The following GNB4 variants were observed in gnomAD, a reference collection of about 807,000 sequenced individuals.
GNB4 encodes G protein subunit beta 4.
A neutral mutation model predicts 45.2 loss-of-function variants in GNB4; 28 were observed. The ratio of observed to expected loss-of-function variants is 0.62; its 90% CI spans 0.46 to 0.85. GNB4 has a LOEUF of 0.85. Among genes scored for constraint, GNB4 ranks in the 40% least tolerant of loss-of-function variants. GNB4 has a pLI of 0.00. For synonymous variants in GNB4, 132 were observed against 143.7 expected, an observed-to-expected ratio of 0.92 and a Z score of 0.58; for missense variants, 321 against 425.4, an observed-to-expected ratio of 0.75 and a Z score of 2.16.
chr3:179,465,218 G>A, the GNB4 span: 1 of 1,387,194 alleles, frequency 7.2e-7, no homozygotes, highest in Non-Finnish European at 1.0e-6. Flanking sequence ...GTTGGTTGGA[G>A]ATGTGGATTT....
the GNB4 span, among the ~76,000 whole-genome samples, chr3:179,477,585 G>A: frequency 6.6e-6 from 1 of 152,066 alleles, no homozygotes; most frequent in East Asian, 1.9e-4. Flanking sequence ...CACTTAAGAA[G>A]ATTACACTGG....
At chr3:179,440,365 G>A (rs1213998426) in intron 1 of GNB4, among the ~76,000 whole-genome samples, 2 of 152,154 alleles carry the variant, frequency 1.3e-5, no homozygotes, top group African/African-American at 2.4e-5. Context: ...AGACACTTGA[G>A]ACATTTTTTA....
chr3:179,431,323 G>A (rs760695317), intron 1 of GNB4, among the ~76,000 whole-genome samples: 10 of 152,062 alleles, frequency 6.6e-5, no homozygotes, highest in Admixed American at 1.3e-4. Flanking sequence ...TTGAGAGGCC[G>A]AGGCGGGTGG....
intron 2 of GNB4, among the ~76,000 whole-genome samples, chr3:179,424,309 G>C (rs1165222139): frequency 6.6e-6 from 1 of 152,230 alleles, no homozygotes; most frequent in African/African-American, 2.4e-5. Flanking sequence ...ACAAAGTAGA[G>C]AGGGCAGAAA....
At chr3:179,495,917 G>A in the GNB4 span, among the ~76,000 whole-genome samples, 26 of 152,260 alleles carry the variant, frequency 1.7e-4, no homozygotes, top group African/African-American at 6.0e-4. Context: ...AAAGCTGAGG[G>A]AGCTCATTAC....
At chr3:179,503,644 G>C in the GNB4 span, among the ~76,000 whole-genome samples, 8 of 152,190 alleles carry the variant, frequency 5.3e-5, no homozygotes, top group East Asian at 1.5e-3. Context: ...TCTATTCCAA[G>C]ACCCTTATAA....
rs543478334 is a variant in GNB4, at chr3:179,396,205, T to C, written c.*5008A>G. 1 of 152,336 alleles carries C rather than the reference T, an allele frequency of 6.6e-6. No homozygotes were observed. The highest frequency in any genetic ancestry group is 1.9e-4 in the East Asian group (1 of 5,194). The allele number at this position is 152,336 out of a possible 1,614,324, so 9.4% of individuals were successfully genotyped here. A position where few individuals can be genotyped will look rare whatever the true frequency, so the allele number is the denominator to read the frequency against. On this transcript the variant is annotated 3_prime_UTR_variant, in exon 10 of 10. Transcript: ENST00000232564. ...AGATCTAAGAACAGTTAAATCATGA[T>C]ACAAGTCCATAGTTTATATGGTTTA...
At chr3:179,433,924 A>G (rs1016036168) in intron 1 of GNB4, among the ~76,000 whole-genome samples, 1 of 152,214 alleles carries the variant, frequency 6.6e-6, no homozygotes, top group African/African-American at 2.4e-5. Flanking sequence ...CTCAGGAATC[A>G]GGGAAATGCA....
chr3:179,405,811 GTTCT>G (rs773836920), intron 8 of GNB4: 11 of 155,674 alleles, frequency 7.1e-5, no homozygotes, highest in Admixed American at 1.3e-4. Flanking sequence ...CCTCGGGACA[GTTCT>G]TTTTCAGAAT....
At chr3:179,411,103 A>G (rs897101535) in intron 8 of GNB4, among the ~76,000 whole-genome samples, 6 of 152,178 alleles carry the variant, frequency 3.9e-5, no homozygotes, top group African/African-American at 1.4e-4. Context: ...AGTTAATGAA[A>G]TTAATAATCA....
At chr3:179,422,727 T>C (rs1192036241) in intron 2 of GNB4, among the ~76,000 whole-genome samples, 1 of 152,202 alleles carries the variant, frequency 6.6e-6, no homozygotes. Flanking sequence ...TTCTATTATA[T>C]CATGTATTTA....
the GNB4 span, chr3:179,464,811 G>A: frequency 3.7e-6 from 5 of 1,350,100 alleles, no homozygotes; most frequent in African/African-American, 5.7e-5. Context: ...GATGCTGATG[G>A]CTTTCATGTA....
At chr3:179,459,095 T>C in the GNB4 span, among the ~76,000 whole-genome samples, 1 of 152,214 alleles carries the variant, frequency 6.6e-6, no homozygotes. Context: ...GCTCAGAGAA[T>C]TGAGCATCTT....
the GNB4 span, among the ~76,000 whole-genome samples, chr3:179,494,907 C>CAAAAA: frequency 8.8e-5 from 3 of 33,980 alleles, no homozygotes; most frequent in African/African-American, 1.2e-4. Context: ...GACTCTGTCT[C>CAAAAA]AAAAAAAAAA....
the GNB4 span, among the ~76,000 whole-genome samples, chr3:179,490,048 T>C: frequency 6.6e-6 from 1 of 152,218 alleles, no homozygotes; most frequent in Non-Finnish European, 1.5e-5. Context: ...TAAGTTTTAG[T>C]TCTGGGTAAG....
At chr3:179,489,757 A>G in the GNB4 span, among the ~76,000 whole-genome samples, 6 of 152,232 alleles carry the variant, frequency 3.9e-5, no homozygotes, top group African/African-American at 9.6e-5. Context: ...TACCTTATGT[A>G]TGCTGGAGAA....
At chr3:179,523,805 C>A in the GNB4 span, among the ~76,000 whole-genome samples, 1 of 151,836 alleles carries the variant, frequency 6.6e-6, no homozygotes, top group East Asian at 1.9e-4. Flanking sequence ...GAGGAGGATG[C>A]AAAGGAGGCT....
the GNB4 span, among the ~76,000 whole-genome samples, chr3:179,461,413 C>T: frequency 4.6e-5 from 7 of 151,126 alleles, no homozygotes; most frequent in African/African-American, 1.7e-4. Flanking sequence ...AGGAGAATGG[C>T]GTGAACCCGG....
chr3:179,527,456 G>T, the GNB4 span, among the ~76,000 whole-genome samples: 2 of 152,190 alleles, frequency 1.3e-5, no homozygotes, highest in Non-Finnish European at 2.9e-5. Flanking sequence ...AAATAATAAT[G>T]ATATTTATTT....
Sources: gnomAD v4.1 joint callset for allele counts (sites outside exome capture counted in the v4.1 genomes callset) on GRCh38, gnomAD v4.1.1 for gene constraint, MANE v1.5 for transcripts, NCBI Gene and HGNC (gene_info 2026-07-23, HGNC 2026-07-21) for gene names.